CYP2J2: variants seen among roughly 807,000 people sequenced by gnomAD.
CYP2J2 encodes cytochrome P450 family 2 subfamily J member 2.
In CYP2J2, 41 loss-of-function variants were observed where a neutral mutation model predicts 48.8. The ratio of observed to expected loss-of-function variants is 0.84; its 90% CI spans 0.66 to 1.09. The LOEUF is 1.09. CYP2J2 is among the 50% of genes least tolerant of loss of function. CYP2J2 has a pLI of 0.00. For synonymous variants in CYP2J2, 221 were observed against 227.1 expected, an observed-to-expected ratio of 0.97 and a Z score of 0.24; for missense variants, 644 against 617.3, an observed-to-expected ratio of 1.04 and a Z score of -0.46.
In CYP2J2 at chr1:59,905,012, C is replaced by T; in HGVS notation, c.1050G>A (p.Gln350=). Residue 350 remains glutamine (Q), a synonymous_variant, in exon 7 of 9, where the codon CAG becomes CAA. Transcript: ENST00000371204. ...TGGACTCCCGGGCGGCTGTGCTCGG[C>T]TGCTGCCCCTGGCCAATCACTCTGT... is the stretch of plus-strand genomic sequence containing the variant. The part of the protein sequence containing the change: ...EIDRVIGQGQ[Q]PSTAARESMP... 1 of 1,614,036 alleles carries T rather than the reference C, an allele frequency of 6.2e-7. No homozygotes were observed. Among genetic ancestry groups the T allele is most frequent in the South Asian group, 1.1e-5 (1 of 91,036 alleles).
chr1:59,913,796 TA>T (rs997449441), intron 2 of CYP2J2, among the ~76,000 whole-genome samples: 1 of 152,222 alleles, frequency 6.6e-6, no homozygotes, highest in Non-Finnish European at 1.5e-5. Context: ...GCAGCCTAAA[TA>T]AAACCTAAAA....
the CYP2J2 span, among the ~76,000 whole-genome samples, chr1:59,947,759 T>A: frequency 6.6e-6 from 1 of 152,162 alleles, no homozygotes; most frequent in African/African-American, 2.4e-5. Context: ...TAACTTCCCA[T>A]CCTTGGCTCC....
the CYP2J2 span, among the ~76,000 whole-genome samples, chr1:59,942,431 C>T: frequency 0.015 from 2,225 of 152,036 alleles, 64 homozygotes; most frequent in African/African-American, 0.051. Flanking sequence ...ATTCCTGTGG[C>T]GGGGCAGAGT....
intron 4 of CYP2J2, 129 bp from the exon 5 acceptor site, chr1:59,910,089 C>A: frequency 1.5e-6 from 1 of 677,708 alleles, no homozygotes; most frequent in Non-Finnish European, 2.4e-6. Flanking sequence ...TATCCTTGAC[C>A]CCTCTTTTCT....
At chr1:59,903,297 T>C (rs1187175275) in intron 7 of CYP2J2, among the ~76,000 whole-genome samples, 1 of 152,082 alleles carries the variant, frequency 6.6e-6, no homozygotes, top group Non-Finnish European at 1.5e-5. Context: ...CCAAAGTGGT[T>C]AGAAAGCAAG....
intron 1 of CYP2J2, among the ~76,000 whole-genome samples, chr1:59,924,189 A>T (rs1409126411): frequency 2.6e-5 from 4 of 152,170 alleles, no homozygotes; most frequent in Non-Finnish European, 5.9e-5. Flanking sequence ...GTCAACCTAG[A>T]ATTCTATGTC....
chr1:59,940,687 T>C, the CYP2J2 span, among the ~76,000 whole-genome samples: 3 of 152,202 alleles, frequency 2.0e-5, no homozygotes, highest in South Asian at 2.1e-4. Context: ...CTATTAGTAA[T>C]AGCAAACATA....
At chr1:59,964,942 T>C in the CYP2J2 span, among the ~76,000 whole-genome samples, 13 of 152,116 alleles carry the variant, frequency 8.5e-5, no homozygotes. Context: ...ATTGTAATAA[T>C]CTAGATGAGA....
chr1:59,950,347 G>A, the CYP2J2 span, among the ~76,000 whole-genome samples: 4 of 152,188 alleles, frequency 2.6e-5, no homozygotes, highest in Admixed American at 2.6e-4. Context: ...CAACAGGACA[G>A]CACAATCAAG....
At chr1:59,957,870 G>A in the CYP2J2 span, among the ~76,000 whole-genome samples, 1 of 152,060 alleles carries the variant, frequency 6.6e-6, no homozygotes, top group Admixed American at 6.6e-5. Context: ...ACCATAGGAT[G>A]GGAATGAGAT....
chr1:59,936,427 G>A, the CYP2J2 span, among the ~76,000 whole-genome samples: 1 of 152,188 alleles, frequency 6.6e-6, no homozygotes, highest in Admixed American at 6.5e-5. Flanking sequence ...TGCCACACTT[G>A]CTCTTCCGCC....
chr1:59,909,384 A>G (rs982184444), intron 5 of CYP2J2, among the ~76,000 whole-genome samples: 3 of 152,200 alleles, frequency 2.0e-5, no homozygotes, highest in African/African-American at 7.2e-5. Context: ...CAGTGTTATC[A>G]TAATAGTCTT....
At chr1:59,900,849 C>A (rs1471997696) in intron 8 of CYP2J2, 116 bp downstream of exon 8, 2 of 1,204,944 alleles carry the variant, frequency 1.7e-6, no homozygotes, top group African/African-American at 1.5e-5. Context: ...TGGAGTGAGT[C>A]GCACTGGCCA....
At chr1:59,928,409 G>A (rs1250860115), upstream of CYP2J2, among the ~76,000 whole-genome samples, 1 of 152,144 alleles carries the variant, frequency 6.6e-6, no homozygotes, top group Non-Finnish European at 1.5e-5. Flanking sequence ...CACAGTAAGA[G>A]TCTGTGGCAT....
chr1:59,904,884 T>A lies in CYP2J2; in HGVS notation c.1178A>T (p.Tyr393Phe). The A allele has an allele frequency of 6.2e-7, 1 of 1,613,736 alleles. No individual in the cohort carries two copies. The highest frequency in any genetic ancestry group is 8.5e-7 in the Non-Finnish European group (1 of 1,179,886). ...EVTVDTTLAG[Y>F]HLPKGTMILT... ...CTGCTTAATTACCTTGGGCAGGTGG[T>A]ACCCAGCCAAAGTGGTATCAACTGT... The change falls in exon 7 of 9, where the codon TAC (tyrosine) becomes TTC (phenylalanine). Residue 393 changes from tyrosine to phenylalanine, a missense_variant. Tyr to Phe is a conservative substitution (Grantham distance 22, BLOSUM62 3). Transcript: ENST00000371204.
chr1:59,945,512 C>T, the CYP2J2 span, among the ~76,000 whole-genome samples: 1 of 152,036 alleles, frequency 6.6e-6, no homozygotes, highest in African/African-American at 2.4e-5. Flanking sequence ...CCTCCATGGG[C>T]TCTATTGAGC....
intron 4 of CYP2J2, 129 bp downstream of exon 4, chr1:59,911,479 G>T: frequency 1.7e-6 from 1 of 599,608 alleles, no homozygotes; most frequent in Non-Finnish European, 2.8e-6. Flanking sequence ...ATAAGTTTGT[G>T]TTGAAATTAG....
At chr1:59,948,125 T>C in the CYP2J2 span, among the ~76,000 whole-genome samples, 1 of 152,182 alleles carries the variant, frequency 6.6e-6, no homozygotes, top group East Asian at 1.9e-4. Context: ...GTTGGTGCCC[T>C]TTGCTTTAAC....
chr1:59,932,476 A>T, the CYP2J2 span, among the ~76,000 whole-genome samples: 2 of 152,216 alleles, frequency 1.3e-5, no homozygotes, highest in African/African-American at 2.4e-5. Flanking sequence ...ACATGCTTTT[A>T]TAAAAGTAAG....
Sources: gnomAD v4.1 joint callset for allele counts (sites outside exome capture counted in the v4.1 genomes callset) on GRCh38, gnomAD v4.1.1 for gene constraint, MANE v1.5 for transcripts, NCBI Gene and HGNC (gene_info 2026-07-23, HGNC 2026-07-21) for gene names.